The following TRABD2B variants were observed in gnomAD, a reference collection of about 807,000 sequenced individuals.
The protein encoded by TRABD2B is TraB domain containing 2B, also known as metalloprotease TIKI2.
In TRABD2B, 14 loss-of-function variants were observed where a neutral mutation model predicts 40.1. The observed-to-expected ratio is 0.35, with a 90% confidence interval of 0.23 to 0.55. The LOEUF (loss-of-function observed/expected upper bound fraction) is 0.55. TRABD2B is among the 20% of genes least tolerant of loss of function. The probability of loss-of-function intolerance (pLI) is 0.90; values close to 1 mark genes in which losing one functional copy is unlikely to be tolerated. For missense variants in TRABD2B, 541 were observed against 648.6 expected (o/e 0.83, Z 1.80); for synonymous variants, 263 against 277.0 (o/e 0.95, Z 0.50).
intron 2 of TRABD2B, among the ~76,000 whole-genome samples, chr1:47,849,362 G>C (rs1365862913): frequency 1.3e-5 from 2 of 152,182 alleles, no homozygotes; most frequent in African/African-American, 2.4e-5. Flanking sequence ...GAACGAAGGA[G>C]GAAGGCCCCA....
intron 2 of TRABD2B, among the ~76,000 whole-genome samples, chr1:47,826,335 G>A (rs1320968582): frequency 1.3e-5 from 2 of 151,714 alleles, no homozygotes; most frequent in Non-Finnish European, 2.9e-5. Flanking sequence ...ATTTAAGTGG[G>A]GTGCAAATCT....
rs1051246868 is a variant in TRABD2B, at chr1:47,985,390, T to G, written c.666+8644A>C. The stretch of plus-strand genomic sequence containing the variant: ...CTGCCCTTCCTGAGTCAATGGGAAG[T>G]AAAGGGAGAATCCCAAGAATGAAGG... On this transcript the variant is annotated intron_variant, in intron 2 of 6. Transcript: ENST00000606738. Among the ~76,000 whole-genome samples, 3 of 152,218 alleles carry G rather than the reference T, an allele frequency of 2.0e-5. No individual in the cohort carries two copies. The South Asian group carries it at 6.2e-4, about 31-fold the overall frequency.
intron 2 of TRABD2B, among the ~76,000 whole-genome samples, chr1:47,805,190 C>G (rs989185461): frequency 1.8e-4 from 28 of 152,196 alleles, no homozygotes; most frequent in Middle Eastern, 3.4e-3. Context: ...TGCCCTGGAC[C>G]ACATGGCTGG....
chr1:47,799,706 C>T (rs1010418511), intron 3 of TRABD2B, among the ~76,000 whole-genome samples: 2 of 152,166 alleles, frequency 1.3e-5, no homozygotes, highest in East Asian at 1.9e-4. Context: ...CACCCCTCTC[C>T]GGCTCACTGG....
At chr1:47,993,198 C>T (rs995480524) in intron 2 of TRABD2B, among the ~76,000 whole-genome samples, 1 of 152,154 alleles carries the variant, frequency 6.6e-6, no homozygotes, top group Non-Finnish European at 1.5e-5. Flanking sequence ...TTGACAGCCC[C>T]GTTCTCAAGG....
chr1:47,896,156 C>CCA (rs1644517815), intron 2 of TRABD2B, among the ~76,000 whole-genome samples: 1 of 152,232 alleles, frequency 6.6e-6, no homozygotes, highest in Non-Finnish European at 1.5e-5. Context: ...TGACTGCCCT[C>CCA]CATATATTAA....
rs373722175 is a variant in TRABD2B, at chr1:47,918,080, T to C, written c.666+75954A>G. Reference sequence around the variant, plus strand: ...GATTTAGAAAAGAAAGCCTCCTATGTACTCTGCTTTTAAGGCCCAGTCAGA... The same window carrying C: ...GATTTAGAAAAGAAAGCCTCCTATGCACTCTGCTTTTAAGGCCCAGTCAGA... On this transcript the variant is annotated intron_variant, in intron 2 of 6. Transcript: ENST00000606738. 2.4e-4 allele frequency among the ~76,000 whole-genome samples: 37 copies of C among 152,348 alleles called. 1 individual carries two copies. The South Asian group carries it at 7.7e-3, about 32-fold the overall frequency.
intron 6 of TRABD2B, among the ~76,000 whole-genome samples, chr1:47,774,896 A>G (rs1462302551): frequency 2.0e-5 from 3 of 152,272 alleles, no homozygotes; most frequent in African/African-American, 7.2e-5. Context: ...GTCCCAGGAA[A>G]GCTGAGTGCA....
At chr1:47,789,155 G>C (rs1644636889) in intron 4 of TRABD2B, among the ~76,000 whole-genome samples, 2 of 152,186 alleles carry the variant, frequency 1.3e-5, no homozygotes. Context: ...TATGTGCCCT[G>C]TCCTGGAGTA....
rs1167076097 is a variant in TRABD2B, at chr1:47,775,364, A to G, written c.1155T>C (p.Ala385=). 8.1e-7 allele frequency: 1 copy of G among 1,238,418 alleles called. No individual in the cohort carries two copies. Among genetic ancestry groups the G allele is most frequent in the Non-Finnish European group, 1.0e-6 (1 of 989,924 alleles). 76.7% of individuals were successfully genotyped at this position (1,238,418 alleles called of 1,614,324 possible). A position where few individuals can be genotyped will look rare whatever the true frequency, so the allele number is the denominator to read the frequency against. The change falls in exon 6 of 7, where the codon GCT becomes GCC. Residue 385 remains alanine (A), a synonymous_variant. Transcript: ENST00000606738. ...TSPAPVTPAA[A]VPEAPSVTPT... ...GGGTCACAGAGGGTGCTTCGGGGAC[A>G]GCGGCAGCTGGGGTCACTGGGGCCG...
chr1:47,919,409 TA>T (rs1441848658), intron 2 of TRABD2B, among the ~76,000 whole-genome samples: 6 of 152,156 alleles, frequency 3.9e-5, no homozygotes, highest in Non-Finnish European at 8.8e-5. Context: ...AAGTCTATCT[TA>T]AAAGCTGCCT....
intron 2 of TRABD2B, among the ~76,000 whole-genome samples, chr1:47,973,652 A>G (rs1364320209): frequency 6.6e-6 from 1 of 152,038 alleles, no homozygotes; most frequent in Non-Finnish European, 1.5e-5. Flanking sequence ...TTCACCTCCA[A>G]AACAGAGCCA....
intron 2 of TRABD2B, among the ~76,000 whole-genome samples, chr1:47,866,969 C>G (rs1183546730): frequency 6.6e-6 from 1 of 152,148 alleles, no homozygotes; most frequent in Non-Finnish European, 1.5e-5. Context: ...CCAATCTGCC[C>G]CTTACCTGCT....
At chr1:47,781,414 G>C (rs758980985) in intron 4 of TRABD2B, among the ~76,000 whole-genome samples, 3 of 152,180 alleles carry the variant, frequency 2.0e-5, no homozygotes. Flanking sequence ...CTGAGTAGAG[G>C]AGACACTTAG....
chr1:47,783,583 C>G lies in TRABD2B; in HGVS notation c.989-5039G>C, dbSNP rs561099246. The stretch of plus-strand genomic sequence containing the variant: ...TAAAAATTGCGGGGCTGGGATGGTG[C>G]CTGCCTACCTTGAGAGAAGCCAGGG... On this transcript the variant is annotated intron_variant, in intron 4 of 6. Coordinates refer to ENST00000606738, the MANE Select transcript of TRABD2B (RefSeq NM_001194986.2). Among the ~76,000 whole-genome samples the G allele has an allele frequency of 3.3e-5, 5 of 152,328 alleles. No individual in the cohort carries two copies. The East Asian group carries it at 7.7e-4, about 24-fold the overall frequency.
At chr1:47,801,731 G>T in intron 2 of TRABD2B, 112 bp from the exon 3 acceptor site, 1 of 1,320,608 alleles carries the variant, frequency 7.6e-7, no homozygotes, top group Non-Finnish European at 1.0e-6. Flanking sequence ...AAACAGAGAA[G>T]GTGTGTGGGG....
At chr1:47,905,187 T>C (rs955559864) in intron 2 of TRABD2B, among the ~76,000 whole-genome samples, 5 of 152,310 alleles carry the variant, frequency 3.3e-5, no homozygotes, top group African/African-American at 1.2e-4. Context: ...AGGTAACACA[T>C]GTATAAGCAT....
At chr1:47,795,367 T>C (rs1465850920) in intron 3 of TRABD2B, among the ~76,000 whole-genome samples, 1 of 152,216 alleles carries the variant, frequency 6.6e-6, no homozygotes, top group Non-Finnish European at 1.5e-5. Context: ...CAGCAGATGC[T>C]GAGGTCTGGG....
chr1:47,978,562 T>C (rs574935170), intron 2 of TRABD2B, among the ~76,000 whole-genome samples: 51 of 152,126 alleles, frequency 3.4e-4, no homozygotes, highest in Non-Finnish European at 6.0e-4. Context: ...AAGATGAAAA[T>C]GCAGAATTTA....
Sources: gnomAD v4.1 joint callset for allele counts (sites outside exome capture counted in the v4.1 genomes callset) on GRCh38, gnomAD v4.1.1 for gene constraint, MANE v1.5 for transcripts, NCBI Gene and HGNC (gene_info 2026-07-23, HGNC 2026-07-21) for gene names.